Variants in GALNT13 observed in about 807,000 individuals in gnomAD.
The protein encoded by GALNT13 is UDP-GalNAc:polypeptide N-acetylgalactosaminyltransferase 13.
Under a neutral mutation model 64.2 loss-of-function variants are expected in GALNT13, and 28 were observed. The ratio of observed to expected loss-of-function variants is 0.44; its 90% CI spans 0.32 to 0.60. The LOEUF (loss-of-function observed/expected upper bound fraction) is 0.60. Ranked by LOEUF, GALNT13 falls within the 20% of genes least tolerant of loss-of-function variation. The probability of loss-of-function intolerance (pLI) is 0.05; values close to 1 mark genes in which losing one functional copy is unlikely to be tolerated. For synonymous variants in GALNT13, 214 were observed against 224.6 expected, an observed-to-expected ratio of 0.95 and a Z score of 0.42; for missense variants, 577 against 669.8, an observed-to-expected ratio of 0.86 and a Z score of 1.53.
At chr2:153,201,475 C>G in the GALNT13 span, among the ~76,000 whole-genome samples, 1 of 152,124 alleles carries the variant, frequency 6.6e-6, no homozygotes, top group African/African-American at 2.4e-5. Context: ...TCATATTGGT[C>G]ATGTCTTTAA....
the GALNT13 span, among the ~76,000 whole-genome samples, chr2:153,252,589 G>T: frequency 4.6e-5 from 7 of 152,070 alleles, no homozygotes; most frequent in African/African-American, 1.7e-4. Context: ...TTCTTCTAGG[G>T]TTTTTACGGT....
chr2:153,087,048 A>G, the GALNT13 span, among the ~76,000 whole-genome samples: 1 of 152,114 alleles, frequency 6.6e-6, no homozygotes, highest in Non-Finnish European at 1.5e-5. Context: ...GCGGGCATCC[A>G]TGTCTTGTTC....
At chr2:153,737,211 G>A in the GALNT13 span, among the ~76,000 whole-genome samples, 1 of 152,190 alleles carries the variant, frequency 6.6e-6, no homozygotes, top group Non-Finnish European at 1.5e-5. Flanking sequence ...TAGGAAGAAA[G>A]AGAATTTTAA....
intron 4 of GALNT13, among the ~76,000 whole-genome samples, chr2:154,197,512 C>G (rs1223991083): frequency 6.6e-6 from 1 of 151,838 alleles, no homozygotes; most frequent in African/African-American, 2.4e-5. Flanking sequence ...ATCTACCTCA[C>G]GTGATACACA....
the GALNT13 span, among the ~76,000 whole-genome samples, chr2:153,650,175 T>G: frequency 1.3e-5 from 2 of 152,200 alleles, no homozygotes; most frequent in Non-Finnish European, 2.9e-5. Context: ...ATATTTAGGA[T>G]AGTTAGCTCT....
At chr2:154,418,183 A>T (rs916436491) in intron 11 of GALNT13, among the ~76,000 whole-genome samples, 1 of 152,212 alleles carries the variant, frequency 6.6e-6, no homozygotes, top group African/African-American at 2.4e-5. Flanking sequence ...GCCTGTTATC[A>T]TAAAAATAGC....
At chr2:153,995,146 GT>G (rs1383817355) in intron 3 of GALNT13, among the ~76,000 whole-genome samples, 4 of 151,740 alleles carry the variant, frequency 2.6e-5, no homozygotes, top group Non-Finnish European at 5.9e-5. Context: ...ATCTAATATA[GT>G]TTAGTTATAA....
chr2:153,375,929 G>T, the GALNT13 span, among the ~76,000 whole-genome samples: 1 of 152,130 alleles, frequency 6.6e-6, no homozygotes, highest in African/African-American at 2.4e-5. Flanking sequence ...TTGCTTCCAC[G>T]CATGGAGGAG....
At chr2:154,367,151 C>T (rs1474129712) in intron 9 of GALNT13, among the ~76,000 whole-genome samples, 2 of 116,972 alleles carry the variant, frequency 1.7e-5, no homozygotes, top group Non-Finnish European at 3.5e-5. Flanking sequence ...GGTTATAAAA[C>T]AGCTGAGATG....
At chr2:153,232,243 CAAGGTCAGGAAACCTAAACCTTAAATTA>C in the GALNT13 span, among the ~76,000 whole-genome samples, 1 of 152,160 alleles carries the variant, frequency 6.6e-6, no homozygotes, top group Non-Finnish European at 1.5e-5. Context: ...GAATGGGTTG[CAAGGTCAGGAAACCTAAACCTTAAATTA>C]ACATCTGCAT....
chr2:154,180,869 T>C (rs1335796101), intron 4 of GALNT13, among the ~76,000 whole-genome samples: 1 of 152,178 alleles, frequency 6.6e-6, no homozygotes, highest in South Asian at 2.1e-4. Context: ...AATGAAAATA[T>C]AGTTGACCCT....
the GALNT13 span, among the ~76,000 whole-genome samples, chr2:153,413,635 C>G: frequency 1.3e-5 from 2 of 152,094 alleles, no homozygotes; most frequent in Admixed American, 6.6e-5. Context: ...TAAAATAGAT[C>G]CTAATTCTTT....
At chr2:153,443,848 G>A in the GALNT13 span, among the ~76,000 whole-genome samples, 15 of 152,152 alleles carry the variant, frequency 9.9e-5, no homozygotes, top group East Asian at 7.8e-4. Context: ...GCTTGAGCCC[G>A]AGTGGCAGAG....
the GALNT13 span, among the ~76,000 whole-genome samples, chr2:153,720,947 G>T: frequency 1.3e-5 from 2 of 152,094 alleles, no homozygotes; most frequent in East Asian, 3.9e-4. Context: ...TTCAGATTCA[G>T]GAAATACAGA....
intron 1 of GALNT13, among the ~76,000 whole-genome samples, chr2:153,875,852 T>C (rs567762541): frequency 6.6e-6 from 1 of 152,324 alleles, no homozygotes; most frequent in East Asian, 1.9e-4. Flanking sequence ...GACCTTTAAC[T>C]AATTTGCCTT....
the GALNT13 span, among the ~76,000 whole-genome samples, chr2:153,225,922 C>A: frequency 6.6e-6 from 1 of 151,990 alleles, no homozygotes; most frequent in Admixed American, 6.6e-5. Context: ...CAATTCTGAT[C>A]AATGTTCCAG....
chr2:154,004,089 A>G lies in GALNT13; in HGVS notation c.142+59450A>G, dbSNP rs552604719. On this transcript the variant is annotated intron_variant, in intron 3 of 12. Transcript: ENST00000392825. ...CCTTTCATTAGACCTTTAATGAATT[A>G]TAGACTAATTCTAATTATAGACTAA... 2.6e-5 allele frequency among the ~76,000 whole-genome samples: 4 copies of G among 152,260 alleles called. No homozygotes were observed. The South Asian group carries it at 8.4e-4, about 32-fold the overall frequency.
chr2:153,801,330 C>G, the GALNT13 span, among the ~76,000 whole-genome samples: 2 of 147,814 alleles, frequency 1.4e-5, no homozygotes, highest in Non-Finnish European at 3.0e-5. Context: ...TTTTGACATG[C>G]CTTTTTTTTT....
chr2:154,262,704 A>G (rs77987630), intron 8 of GALNT13, among the ~76,000 whole-genome samples: 6,330 of 152,242 alleles, frequency 0.042, 191 homozygotes, highest in Non-Finnish European at 0.058. Context: ...TAGATTTTGG[A>G]GAAAGAGACA....
Sources: gnomAD v4.1 joint callset for allele counts (sites outside exome capture counted in the v4.1 genomes callset) on GRCh38, gnomAD v4.1.1 for gene constraint, MANE v1.5 for transcripts, NCBI Gene and HGNC (gene_info 2026-07-23, HGNC 2026-07-21) for gene names.